The following DOCK4 variants were observed in gnomAD, a reference collection of about 807,000 sequenced individuals.
DOCK4 encodes dedicator of cytokinesis protein 4.
Under a neutral mutation model 268.1 loss-of-function variants are expected in DOCK4, and 97 were observed. That is an observed-to-expected ratio of 0.36 (90% CI 0.31 to 0.43). DOCK4 has a LOEUF of 0.43. Among genes scored for constraint, DOCK4 ranks in the 20% least tolerant of loss-of-function variants. The pLI is 1.00. For missense variants in DOCK4, 2,145 were observed against 2,455.7 expected (o/e 0.87, Z 2.67); for synonymous variants, 954 against 887.2 (o/e 1.08, Z -1.34).
chr7:111,786,005 T>C (rs1037285591), intron 32 of DOCK4, among the ~76,000 whole-genome samples: 1 of 152,178 alleles, frequency 6.6e-6, no homozygotes. Context: ...TGGGGTTACG[T>C]AGAAGTCATC....
At chr7:111,887,767 T>TAAAAA (rs34109488) in intron 16 of DOCK4, among the ~76,000 whole-genome samples, 3 of 147,662 alleles carry the variant, frequency 2.0e-5, no homozygotes, top group African/African-American at 7.5e-5. Context: ...AAAAAATTAT[T>TAAAAA]AAAAAAAAAA....
At chr7:111,815,765 A>G (rs1801498972) in intron 27 of DOCK4, among the ~76,000 whole-genome samples, 1 of 149,920 alleles carries the variant, frequency 6.7e-6, no homozygotes. Flanking sequence ...TCTGCCTCCC[A>G]CATTCAAGCA....
chr7:112,027,066 AT>A (rs932871017), intron 1 of DOCK4, among the ~76,000 whole-genome samples: 1 of 152,194 alleles, frequency 6.6e-6, no homozygotes, highest in African/African-American at 2.4e-5. Context: ...TGGGACAACT[AT>A]TAAAAAGGAT....
At chr7:111,764,975 T>C (rs1797678108) in intron 39 of DOCK4, 143 bp downstream of exon 39, 1 of 452,352 alleles carries the variant, frequency 2.2e-6, no homozygotes, top group Non-Finnish European at 3.9e-6. Flanking sequence ...TCTAGATTAA[T>C]ATAGTGTCTG....
chr7:112,164,000 T>G (rs1394815290), intron 1 of DOCK4, among the ~76,000 whole-genome samples: 1 of 152,208 alleles, frequency 6.6e-6, no homozygotes, highest in Non-Finnish European at 1.5e-5. Flanking sequence ...GACCCTATCT[T>G]GGCCAGGCCC....
chr7:111,735,253 C>T, intron 50 of DOCK4, 86 bp from the exon 51 acceptor site: 1 of 929,452 alleles, frequency 1.1e-6, no homozygotes. Flanking sequence ...CAGAATTATC[C>T]AGAATGAAAA....
At chr7:111,902,414 T>TA (rs1206578771) in intron 13 of DOCK4, among the ~76,000 whole-genome samples, 4 of 152,204 alleles carry the variant, frequency 2.6e-5, no homozygotes, top group Non-Finnish European at 4.4e-5. Flanking sequence ...TATATTCAAA[T>TA]AGACACATTC....
At chr7:112,172,364 G>A (rs1451960812) in intron 1 of DOCK4, among the ~76,000 whole-genome samples, 1 of 152,004 alleles carries the variant, frequency 6.6e-6, no homozygotes, top group Non-Finnish European at 1.5e-5. Flanking sequence ...TCTCTTTTAG[G>A]GTCCTATTTT....
At chr7:111,816,362 G>C (rs760573371) in intron 27 of DOCK4, among the ~76,000 whole-genome samples, 1 of 152,158 alleles carries the variant, frequency 6.6e-6, no homozygotes, top group Non-Finnish European at 1.5e-5. Flanking sequence ...TGGATTAATT[G>C]GGGCAGCAAA....
intron 1 of DOCK4, among the ~76,000 whole-genome samples, chr7:112,028,534 T>A (rs551360353): frequency 1.8e-4 from 27 of 152,228 alleles, no homozygotes; most frequent in Non-Finnish European, 2.4e-4. Flanking sequence ...AATGGCTGAA[T>A]TGTAATTGTC....
At chr7:112,012,562 C>T (rs983308631) in intron 1 of DOCK4, among the ~76,000 whole-genome samples, 13 of 152,136 alleles carry the variant, frequency 8.5e-5, no homozygotes, top group African/African-American at 2.7e-4. Context: ...AATGAAGTTA[C>T]AGAAGGCAAC....
intron 1 of DOCK4, among the ~76,000 whole-genome samples, chr7:112,130,217 G>A (rs1422112348): frequency 6.6e-6 from 1 of 152,104 alleles, no homozygotes; most frequent in Admixed American, 6.5e-5. Flanking sequence ...ATGAGGACGG[G>A]GGCTGTGTGA....
At chr7:111,976,269 TTA>T (rs60146972) in intron 8 of DOCK4, among the ~76,000 whole-genome samples, 491 of 32,920 alleles carry the variant, frequency 0.015, 7 homozygotes, top group Admixed American at 0.021. Flanking sequence ...TGTGTGTCTA[TTA>T]TATATATATA....
At chr7:112,156,561 T>C (rs1023565681) in intron 1 of DOCK4, among the ~76,000 whole-genome samples, 1 of 152,238 alleles carries the variant, frequency 6.6e-6, no homozygotes, top group African/African-American at 2.4e-5. Context: ...ATAAAATTGT[T>C]TAAATGCTAC....
rs1225182006 is a variant in DOCK4 at position 111,977,124 on chromosome 7, G to A, written c.701+8C>T. ...AGACATTGAAACCCTATCTCCACGT[G>A]CAGGTACCTGATTGGCCGGTTCTCT... On this transcript the variant is annotated splice_region_variant and intron_variant, in intron 8 of 52. Coordinates refer to ENST00000428084, the MANE Select transcript of DOCK4 (RefSeq NM_001363540.2). The A allele has an allele frequency of 1.9e-6, 3 of 1,612,986 alleles. No individual in the cohort carries two copies. Among genetic ancestry groups the A allele is most frequent in the Non-Finnish European group, 1.7e-6 (2 of 1,179,526 alleles).
At chr7:111,838,911 T>C (rs1803455597) in intron 25 of DOCK4, among the ~76,000 whole-genome samples, 1 of 152,256 alleles carries the variant, frequency 6.6e-6, no homozygotes, top group African/African-American at 2.4e-5. Context: ...GACAACACTA[T>C]GATTTATGGA....
At chr7:111,755,406 T>G (rs1159103866) in intron 42 of DOCK4, 109 bp downstream of exon 42, 1 of 1,005,668 alleles carries the variant, frequency 9.9e-7, no homozygotes, top group Non-Finnish European at 1.5e-6. Context: ...TATTTTACTA[T>G]GAGTGCTTCC....
chr7:111,912,803 T>C (rs922366813), intron 13 of DOCK4, among the ~76,000 whole-genome samples: 1 of 152,070 alleles, frequency 6.6e-6, no homozygotes, highest in Admixed American at 6.5e-5. Context: ...CTAGGGACAG[T>C]GTGAAATTTC....
intron 7 of DOCK4, among the ~76,000 whole-genome samples, chr7:111,981,382 GA>G (rs1266035051): frequency 6.6e-6 from 1 of 152,120 alleles, no homozygotes; most frequent in Non-Finnish European, 1.5e-5. Flanking sequence ...GATACAAACA[GA>G]AACTTGAAAA....
Sources: gnomAD v4.1 joint callset for allele counts (sites outside exome capture counted in the v4.1 genomes callset) on GRCh38, gnomAD v4.1.1 for gene constraint, MANE v1.5 for transcripts, NCBI Gene and HGNC (gene_info 2026-07-23, HGNC 2026-07-21) for gene names.